The following CCDC3 variants were observed in gnomAD, a reference collection of about 807,000 sequenced individuals.
CCDC3 encodes coiled-coil domain-containing protein 3.
In CCDC3, 24 loss-of-function variants were observed where a neutral mutation model predicts 21.4. That is an observed-to-expected ratio of 1.12 (90% CI 0.81 to 1.58). The LOEUF is 1.58. CCDC3 is among the 40% of genes most tolerant of loss of function. CCDC3 has a pLI of 0.00. For synonymous variants in CCDC3, 186 were observed against 166.0 expected, an observed-to-expected ratio of 1.12 and a Z score of -0.93; for missense variants, 425 against 360.9, an observed-to-expected ratio of 1.18 and a Z score of -1.44.
chr10:12,937,658 G>A (rs138335059), intron 2 of CCDC3, among the ~76,000 whole-genome samples: 35 of 152,248 alleles, frequency 2.3e-4, no homozygotes, highest in African/African-American at 7.9e-4. Flanking sequence ...AGAGCTCTAT[G>A]GCACAGAAAA....
intron 5 of CCDC3, among the ~76,000 whole-genome samples, chr10:13,047,892 C>T (rs1210154464): frequency 6.6e-6 from 1 of 152,162 alleles, no homozygotes; most frequent in East Asian, 1.9e-4. Context: ...CAGAAACAGT[C>T]TGTGGTCTCT....
chr10:12,969,153 T>C lies in CCDC3; in HGVS notation c.549+29185A>G, dbSNP rs12416285. ...TTAAAAAATGGGCAAAGGACCCAAATAGACATTTCTCTAAAGACGACATAC... is the reference window on the plus strand; with the variant it reads ...TTAAAAAATGGGCAAAGGACCCAAACAGACATTTCTCTAAAGACGACATAC... On this transcript the variant is annotated intron_variant, in intron 2 of 2. Transcript: ENST00000378825. Among the ~76,000 whole-genome samples the C allele has an allele frequency of 5.6e-3, 854 of 152,130 alleles. 14 individuals are homozygous for C. Among genetic ancestry groups the C allele is most frequent in the Admixed American group, 0.034 (519 of 15,262 alleles).
At chr10:12,915,268 TTC>T (rs1242448967) in intron 2 of CCDC3, among the ~76,000 whole-genome samples, 3 of 152,210 alleles carry the variant, frequency 2.0e-5, no homozygotes, top group African/African-American at 4.8e-5. Context: ...TCCTGGAGAA[TTC>T]TCTGTGTGCA....
intron 5 of CCDC3, among the ~76,000 whole-genome samples, chr10:13,039,883 T>C: frequency 6.6e-6 from 1 of 151,110 alleles, no homozygotes; most frequent in East Asian, 1.9e-4. Flanking sequence ...GTGGGCAGGA[T>C]CTAGAATGCT....
intron 5 of CCDC3, among the ~76,000 whole-genome samples, chr10:13,032,074 T>C (rs1323412852): frequency 1.3e-5 from 2 of 152,146 alleles, no homozygotes; most frequent in Non-Finnish European, 2.9e-5. Context: ...CTGATGAACA[T>C]TGACGCGAAA....
chr10:13,077,618 G>C (rs1016635195), intron 3 of CCDC3, among the ~76,000 whole-genome samples: 1 of 151,854 alleles, frequency 6.6e-6, no homozygotes, highest in African/African-American at 2.4e-5. Context: ...ATACTACAAG[G>C]CTACAGTAAC....
intron 5 of CCDC3, among the ~76,000 whole-genome samples, chr10:13,020,988 G>A (rs1014593178): frequency 1.3e-5 from 2 of 152,314 alleles, no homozygotes; most frequent in Non-Finnish European, 1.5e-5. Context: ...ATGAATGAAT[G>A]AATCAATATG....
rs754896293 is a variant in CCDC3 at position 13,001,309 on chromosome 10, C to T, written c.262G>A (p.Gly88Ser). ...CCGGCGGGCACCTCCAGCATGCTGCCCCACGCCTGGTCGCACAGCATCTCG... is the reference window on the plus strand; with the variant it reads ...CCGGCGGGCACCTCCAGCATGCTGCTCCACGCCTGGTCGCACAGCATCTCG... ...EVEMLCDQAW[G>S]SMLEVPAGSR... Residue 88 changes from glycine to serine, a missense_variant, in exon 1 of 3, where the codon GGC (glycine) becomes AGC (serine). Transcript: ENST00000378825. The T allele has an allele frequency of 2.5e-6, 4 of 1,606,360 alleles. No homozygotes were observed. Among genetic ancestry groups the T allele is most frequent in the Non-Finnish European group, 3.4e-6 (4 of 1,177,724 alleles).
chr10:13,041,312 G>A (rs1018185394), intron 5 of CCDC3, among the ~76,000 whole-genome samples: 4 of 151,806 alleles, frequency 2.6e-5, no homozygotes, highest in Non-Finnish European at 5.9e-5. Flanking sequence ...TTTGACATCC[G>A]ACCAATTCTT....
intron 2 of CCDC3, among the ~76,000 whole-genome samples, chr10:12,951,659 G>T (rs1156859569): frequency 6.6e-6 from 1 of 151,992 alleles, no homozygotes; most frequent in Non-Finnish European, 1.5e-5. Context: ...CAAAAAATTA[G>T]CTGGGTGTGA....
chr10:13,066,441 A>G (rs1169795033), intron 4 of CCDC3, among the ~76,000 whole-genome samples: 1 of 152,218 alleles, frequency 6.6e-6, no homozygotes, highest in Non-Finnish European at 1.5e-5. Flanking sequence ...ACCTCTCCAC[A>G]GATTTTATAA....
intron 5 of CCDC3, among the ~76,000 whole-genome samples, chr10:13,037,800 T>G (rs1221975612): frequency 2.6e-5 from 4 of 152,090 alleles, no homozygotes; most frequent in African/African-American, 9.7e-5. Context: ...TGAGATCCCA[T>G]CTCTAAAACA....
intron 4 of CCDC3, among the ~76,000 whole-genome samples, chr10:13,052,574 T>C (rs1836621491): frequency 6.6e-6 from 1 of 152,208 alleles, no homozygotes; most frequent in Non-Finnish European, 1.5e-5. Context: ...CACCTATCGC[T>C]AACGATACTG....
At chr10:13,046,918 T>C (rs911165634) in intron 5 of CCDC3, among the ~76,000 whole-genome samples, 54 of 151,540 alleles carry the variant, frequency 3.6e-4, no homozygotes, top group African/African-American at 1.3e-3. Flanking sequence ...AAAAGATTTA[T>C]TACTTAGTCA....
At chr10:13,042,388 G>A (rs1054930306) in intron 5 of CCDC3, among the ~76,000 whole-genome samples, 1 of 152,252 alleles carries the variant, frequency 6.6e-6, no homozygotes, top group Non-Finnish European at 1.5e-5. Flanking sequence ...CAGGGAATGA[G>A]GGGCGGGAGA....
chr10:13,026,672 G>C (rs1382387842), intron 5 of CCDC3, among the ~76,000 whole-genome samples: 1 of 152,146 alleles, frequency 6.6e-6, no homozygotes, highest in Non-Finnish European at 1.5e-5. Context: ...GAAACTACAG[G>C]TAATTGTTTT....
intron 5 of CCDC3, among the ~76,000 whole-genome samples, chr10:13,026,318 C>T (rs1836214883): frequency 6.6e-6 from 1 of 152,222 alleles, no homozygotes; most frequent in Non-Finnish European, 1.5e-5. Context: ...ATAGTACTTT[C>T]CTCATCATAC....
intron 2 of CCDC3, among the ~76,000 whole-genome samples, chr10:12,928,818 C>T (rs1247564697): frequency 6.6e-6 from 1 of 152,160 alleles, no homozygotes; most frequent in East Asian, 1.9e-4. Flanking sequence ...AGCATCTCTC[C>T]AAAGACGCTC....
At chr10:12,962,513 G>C (rs1835194880) in intron 2 of CCDC3, among the ~76,000 whole-genome samples, 1 of 152,346 alleles carries the variant, frequency 6.6e-6, no homozygotes, top group Middle Eastern at 3.4e-3. Flanking sequence ...TGAGGCAGGA[G>C]AATTGCTTGA....
Sources: allele counts gnomAD v4.1 joint callset (sites outside exome capture counted in the v4.1 genomes callset), GRCh38; gene constraint gnomAD v4.1.1; transcripts MANE v1.5; gene names NCBI Gene and HGNC (gene_info 2026-07-23, HGNC 2026-07-21).